The following HSPA12A variants were observed in gnomAD, a reference collection of about 807,000 sequenced individuals.
The protein encoded by HSPA12A is heat shock protein family A (Hsp70) member 12A, also known as heat shock 70 kDa protein 12A.
In HSPA12A, 28 loss-of-function variants were observed where a neutral mutation model predicts 69.2. The ratio of observed to expected loss-of-function variants is 0.40; its 90% CI spans 0.30 to 0.55. The LOEUF is 0.55. Among genes scored for constraint, HSPA12A ranks in the 20% least tolerant of loss-of-function variants. The pLI is 0.38. For missense variants in HSPA12A, 686 were observed against 900.7 expected (o/e 0.76, Z 3.05); for synonymous variants, 345 against 370.5 (o/e 0.93, Z 0.79).
rs1266256938 is a variant in HSPA12A at position 116,710,251 on chromosome 10, T to A, written c.41-2966A>T. Reference sequence around the variant, plus strand: ...CCTGCTACCTGGAAGGCCTGCGCCATGTGTCCACATTTGCACAGACGGTCC... The same window carrying A: ...CCTGCTACCTGGAAGGCCTGCGCCAAGTGTCCACATTTGCACAGACGGTCC... On this transcript the variant is annotated intron_variant, in intron 1 of 11. Coordinates refer to ENST00000369209, the MANE Select transcript of HSPA12A (RefSeq NM_025015.3). This position sits in a 1 kb window ranked among gnomAD's most constrained non-coding sequence, Gnocchi z 4.1. 6.6e-6 allele frequency among the ~76,000 whole-genome samples: 1 copy of A among 152,216 alleles called. No individual in the cohort carries two copies. Among genetic ancestry groups the A allele is most frequent in the African/African-American group, 2.4e-5 (1 of 41,456 alleles).
chr10:116,781,421 A>G (rs968733389), intron 2 of HSPA12A, among the ~76,000 whole-genome samples: 1 of 152,164 alleles, frequency 6.6e-6, no homozygotes, highest in African/African-American at 2.4e-5. Flanking sequence ...CACCCTGTAC[A>G]TTCTCAGATG....
intron 2 of HSPA12A, chr10:116,750,392 G>A (rs2133084784): frequency 1.4e-6 from 1 of 708,302 alleles, no homozygotes; most frequent in East Asian, 2.6e-5. Flanking sequence ...GGGCCTTGAA[G>A]GGAGCACAGA....
In HSPA12A at chr10:116,671,799, A is replaced by T. The variant is rs570173636; in HGVS notation, c.*2982T>A. 12 of 152,792 alleles carry T rather than the reference A, an allele frequency of 7.9e-5. No individual in the cohort carries two copies. Among genetic ancestry groups the T allele is most frequent in the African/African-American group, 2.6e-4 (11 of 41,580 alleles). The allele number at this position is 152,792 out of a possible 1,614,324, so 9.5% of individuals were successfully genotyped here. A position where few individuals can be genotyped will look rare whatever the true frequency, so the allele number is the denominator to read the frequency against. The stretch of plus-strand genomic sequence containing the variant: ...GTGAAGATCAGATAATATGCCAGGG[A>T]CAATTGAGTAATGGGTCAAGACAAC... On this transcript the variant is annotated 3_prime_UTR_variant, in exon 12 of 12. Transcript: ENST00000369209.
chr10:116,674,957 C>T lies in HSPA12A; in HGVS notation c.1852G>A (p.Val618Met), dbSNP rs782380678. ...AGGCGGAGCGTGCCACACTTCTTCA[C>T]CCCGGGATCAGTGATGAAGCTGACG... is the stretch of plus-strand genomic sequence containing the variant. ...DNVSFITDPG[V>M]KKCGTLRLDL... The change falls in exon 12 of 12, where the codon GTG (valine) becomes ATG (methionine). Residue 618 changes from valine (V) to methionine (M), a missense_variant. Physicochemically the swap from Val to Met is conservative, Grantham distance 21. Transcript: ENST00000369209. The T allele has an allele frequency of 3.1e-6, 5 of 1,614,140 alleles. No individual in the cohort carries two copies. The highest frequency in any genetic ancestry group is 1.1e-5 in the South Asian group (1 of 91,072).
At chr10:116,679,329 T>G (rs1186651104) in intron 10 of HSPA12A, among the ~76,000 whole-genome samples, 174 bp downstream of exon 10, 1 of 152,230 alleles carries the variant, frequency 6.6e-6, no homozygotes, top group Admixed American at 6.5e-5. Context: ...ATAGAATTAT[T>G]ATCCCCATTT....
intron 1 of HSPA12A, 53 bp downstream of exon 1, chr10:116,742,377 C>A: frequency 7.0e-7 from 1 of 1,420,836 alleles, no homozygotes; most frequent in East Asian, 3.3e-5. Context: ...AAGCGCGCCT[C>A]CTCCCTCCCT....
At chr10:116,681,512 C>T (rs1849400655) in intron 8 of HSPA12A, among the ~76,000 whole-genome samples, 2 of 152,190 alleles carry the variant, frequency 1.3e-5, no homozygotes, top group South Asian at 2.1e-4. Context: ...ATACCTGGCA[C>T]GTACTTAGTG....
intron 1 of HSPA12A, among the ~76,000 whole-genome samples, chr10:116,715,457 T>A (rs1554883683): frequency 6.6e-6 from 1 of 152,202 alleles, no homozygotes; most frequent in Admixed American, 6.5e-5. Context: ...ACATAATTTT[T>A]AAAAGAGCCC....
chr10:116,674,651 G>A lies in HSPA12A; in HGVS notation c.*130C>T, dbSNP rs1359693369. The A allele has an allele frequency of 1.1e-6, 1 of 885,148 alleles. No homozygotes were observed. Among genetic ancestry groups the A allele is most frequent in the African/African-American group, 1.7e-5 (1 of 60,234 alleles). The allele number at this position is 885,148 out of a possible 1,614,324, so 54.8% of individuals were successfully genotyped here. A position where few individuals can be genotyped will look rare whatever the true frequency, so the allele number is the denominator to read the frequency against. On this transcript the variant is annotated 3_prime_UTR_variant, in exon 12 of 12. Coordinates refer to ENST00000369209, the MANE Select transcript of HSPA12A (RefSeq NM_025015.3). The stretch of plus-strand genomic sequence containing the variant: ...TCACTAATTATTTCTAGCCCTGATT[G>A]TTCTCATCTTCCCTGCTGAAATTCA...
chr10:116,843,028 G>T (rs1845828728), intron 1 of HSPA12A, among the ~76,000 whole-genome samples: 3 of 152,136 alleles, frequency 2.0e-5, no homozygotes, highest in Admixed American at 2.0e-4. Context: ...CAATTAAACT[G>T]CCAGCAGTAG....
chr10:116,762,870 C>T (rs1554889409), intron 2 of HSPA12A, among the ~76,000 whole-genome samples: 1 of 152,228 alleles, frequency 6.6e-6, no homozygotes, highest in East Asian at 1.9e-4. Flanking sequence ...GCCACCATGC[C>T]TGGCCTTCCT....
chr10:116,728,857 G>T (rs368495150), intron 1 of HSPA12A, among the ~76,000 whole-genome samples: 4 of 152,176 alleles, frequency 2.6e-5, no homozygotes, highest in African/African-American at 9.7e-5. Context: ...GGAACTCCAG[G>T]CTCTGTGACC....
At chr10:116,811,579 T>TAAAA (rs60912684) in intron 2 of HSPA12A, among the ~76,000 whole-genome samples, 8 of 105,924 alleles carry the variant, frequency 7.6e-5, no homozygotes, top group Admixed American at 2.0e-4. Flanking sequence ...TTGCTTTTGT[T>TAAAA]AAAAAAAAAA....
At chr10:116,705,830 G>C (rs575463608) in intron 2 of HSPA12A, among the ~76,000 whole-genome samples, 1 of 151,938 alleles carries the variant, frequency 6.6e-6, no homozygotes, top group Non-Finnish European at 1.5e-5. Flanking sequence ...CAGGGCCCAG[G>C]GCCTTGCCTC....
At chr10:116,807,317 G>A (rs1396897955) in intron 2 of HSPA12A, among the ~76,000 whole-genome samples, 1 of 151,966 alleles carries the variant, frequency 6.6e-6, no homozygotes, top group Non-Finnish European at 1.5e-5. Flanking sequence ...AGCTCCTTTC[G>A]AAGCAGCCCT....
chr10:116,839,895 CAAG>C (rs1845777831), intron 1 of HSPA12A, among the ~76,000 whole-genome samples: 2 of 150,508 alleles, frequency 1.3e-5, no homozygotes, highest in African/African-American at 4.9e-5. Context: ...AGTTTTGTGC[CAAG>C]AAGGTTAGTG....
chr10:116,734,924 GGAGCTTGCAGTGAGCCGAGATC>G (rs1366900454), intron 1 of HSPA12A, among the ~76,000 whole-genome samples: 2 of 152,068 alleles, frequency 1.3e-5, no homozygotes, highest in African/African-American at 4.8e-5. Context: ...CCCGGGAGGC[GGAGCTTGCAGTGAGCCGAGATC>G]GAGCCGCTGC....
chr10:116,780,323 T>C (rs116641987), intron 2 of HSPA12A, among the ~76,000 whole-genome samples: 4,132 of 151,560 alleles, frequency 0.027, 163 homozygotes, highest in African/African-American at 0.091. Context: ...CTCAGAACAA[T>C]ATTTTTATTT....
At chr10:116,812,167 C>A (rs113989470) in intron 2 of HSPA12A, among the ~76,000 whole-genome samples, 1 of 152,142 alleles carries the variant, frequency 6.6e-6, no homozygotes, top group Non-Finnish European at 1.5e-5. Flanking sequence ...AAAATCATGA[C>A]ACTGGCTGGG....
Sources: allele counts gnomAD v4.1 joint callset (sites outside exome capture counted in the v4.1 genomes callset), GRCh38; gene constraint gnomAD v4.1.1; non-coding constraint Gnocchi (gnomAD v3.1); transcripts MANE v1.5; gene names NCBI Gene and HGNC (gene_info 2026-07-23, HGNC 2026-07-21).